Variants in ZNF239 observed in about 807,000 individuals in gnomAD.
ZNF239 encodes zinc finger protein 239.
A neutral mutation model predicts 27.5 loss-of-function variants in ZNF239; 16 were observed. The ratio of observed to expected loss-of-function variants is 0.58; its 90% CI spans 0.39 to 0.88. ZNF239 has a LOEUF of 0.88. Among genes scored for constraint, ZNF239 ranks in the 40% least tolerant of loss-of-function variants. ZNF239 has a pLI of 0.00. For synonymous variants in ZNF239, 199 were observed against 192.6 expected (o/e 1.03, Z -0.27); for missense variants, 527 against 551.9 (o/e 0.95, Z 0.45).
chr10:43,557,211 G>A lies in ZNF239; in HGVS notation c.869C>T (p.Pro290Leu). 2 of 1,614,038 alleles carry A rather than the reference G, an allele frequency of 1.2e-6. No homozygotes were observed. The highest frequency in any genetic ancestry group is 1.7e-6 in the Non-Finnish European group (2 of 1,179,996). Residue 290 changes from proline (P) to leucine (L), a missense_variant, in exon 4 of 4, where the codon CCT becomes CTT. By Grantham distance (98) the Pro-to-Leu change is moderately conservative. Coordinates refer to ENST00000374446, the MANE Select transcript of ZNF239 (RefSeq NM_001099282.2). ...IHHAVHTGEK[P>L]YKCDKCGKGF... ...CTTCCCACACTTGTCACATTTATAA[G>A]GTTTTTCGCCTGTATGGACGGCATG... is the stretch of plus-strand genomic sequence containing the variant.
intron 3 of ZNF239, 44 bp from the exon 4 acceptor site, chr10:43,558,215 T>G (rs2132228480): frequency 1.4e-6 from 2 of 1,444,542 alleles, no homozygotes; most frequent in Non-Finnish European, 1.8e-6. Flanking sequence ...AAGGGTAGAC[T>G]TCAAGATTTC....
chr10:43,559,258 G>A (rs376125109), intron 3 of ZNF239, among the ~76,000 whole-genome samples: 1 of 152,192 alleles, frequency 6.6e-6, no homozygotes, highest in East Asian at 1.9e-4. Flanking sequence ...AATTCAGAGT[G>A]AAATGACTGA....
intron 3 of ZNF239, among the ~76,000 whole-genome samples, chr10:43,562,581 T>C (rs954917871): frequency 1.3e-5 from 2 of 152,208 alleles, no homozygotes; most frequent in African/African-American, 4.8e-5. Flanking sequence ...TATGTAAACA[T>C]ATTGTCTGGA....
chr10:43,569,858 A>G (rs1028235761), intron 2 of ZNF239, among the ~76,000 whole-genome samples: 3 of 152,124 alleles, frequency 2.0e-5, no homozygotes, highest in Non-Finnish European at 4.4e-5. Context: ...GAGTCCAAAT[A>G]TTTACTCAGT....
intron 3 of ZNF239, among the ~76,000 whole-genome samples, chr10:43,562,055 T>A (rs1181780618): frequency 6.6e-6 from 1 of 152,228 alleles, no homozygotes; most frequent in Non-Finnish European, 1.5e-5. Context: ...ATGTAAGCAT[T>A]CATCACTGAC....
Position 43,557,892 on chromosome 10 carries a change from T to A in ZNF239, c.188A>T (p.Tyr63Phe). 1 of 1,614,164 alleles carries A rather than the reference T, an allele frequency of 6.2e-7. No homozygotes were observed. The highest frequency in any genetic ancestry group is 2.2e-5 in the East Asian group (1 of 44,882). The change falls in exon 4 of 4, where the codon TAT becomes TTT. Residue 63 changes from tyrosine to phenylalanine, a missense_variant. Tyr to Phe is a conservative substitution (Grantham distance 22). Coordinates refer to ENST00000374446, the MANE Select transcript of ZNF239 (RefSeq NM_001099282.2). Reference protein sequence around the residue: ...GCFENIESETYLPLKVSSQID... With the variant: ...GCFENIESETFLPLKVSSQID... ...TTGGCTTGAGACTTTCAAAGGCAAA[T>A]ATGTTTCACTTTCAATGTTTTCGAA...
At chr10:43,570,160 G>A in intron 2 of ZNF239, 2 of 985,368 alleles carry the variant, frequency 2.0e-6, no homozygotes, top group East Asian at 1.1e-4. Context: ...CCCTGCAGGA[G>A]TGACATGACT....
chr10:43,570,912 G>T, intron 2 of ZNF239: 1 of 984,938 alleles, frequency 1.0e-6, no homozygotes, highest in Middle Eastern at 5.2e-4. Context: ...CTAACTTTGT[G>T]GTAGGTAAAA....
At position 43,556,977 on chromosome 10, in the gene ZNF239, A is replaced by G. The variant is rs748326573; in HGVS notation, c.1103T>C (p.Ile368Thr). 1.9e-6 allele frequency: 3 copies of G among 1,613,758 alleles called. No individual in the cohort carries two copies. The highest frequency in any genetic ancestry group is 1.3e-5 in the African/African-American group (1 of 74,868). The part of the protein sequence containing the change: ...QSSNLHIHRC[I>T]HTGEKPYQCY... Reference sequence around the variant, plus strand: ...TTGGTAAGGCTTCTCTCCTGTGTGGATGCACCGGTGAATGTGAAGGTTCGA... The same window carrying G: ...TTGGTAAGGCTTCTCTCCTGTGTGGGTGCACCGGTGAATGTGAAGGTTCGA... Residue 368 changes from isoleucine to threonine, a missense_variant, in exon 4 of 4, where the codon ATC becomes ACC. Ile to Thr is a moderately conservative substitution (Grantham distance 89, BLOSUM62 -1). Transcript: ENST00000374446.
intron 2 of ZNF239, chr10:43,570,239 A>G (rs1389291268): frequency 3.2e-5 from 32 of 985,190 alleles, no homozygotes; most frequent in Non-Finnish European, 3.9e-5. Flanking sequence ...CTGTCTCCCA[A>G]GCTTTCTGTT....
chr10:43,573,742 A>T, intron 1 of ZNF239, 65 bp from the exon 2 acceptor site: 1 of 720,574 alleles, frequency 1.4e-6, no homozygotes, highest in South Asian at 6.3e-5. Flanking sequence ...GACTGCGGGG[A>T]AAAAGTTACT....
At position 43,556,746 on chromosome 10, in the gene ZNF239, T is replaced by C. The variant is rs1287181649; in HGVS notation, c.1334A>G (p.Asn445Ser). 1.2e-6 allele frequency: 2 copies of C among 1,614,100 alleles called. No individual in the cohort carries two copies. Among genetic ancestry groups the C allele is most frequent in the Non-Finnish European group, 8.5e-7 (1 of 1,179,988 alleles). ...KCGKGFSQSS[N>S]LHIHQRVHKK... The stretch of plus-strand genomic sequence containing the variant: ...GTGAACCCGCTGGTGGATGTGAAGG[T>C]TGGAGCTCTGGCTGAAGCCCTTCCC... The change falls in exon 4 of 4, where the codon AAC becomes AGC. Residue 445 changes from asparagine (N) to serine (S), a missense_variant. Asn to Ser is a conservative substitution (Grantham distance 46). Coordinates refer to ENST00000374446, the MANE Select transcript of ZNF239 (RefSeq NM_001099282.2).
intron 2 of ZNF239, chr10:43,571,030 C>T: frequency 6.1e-6 from 6 of 985,020 alleles, no homozygotes; most frequent in Non-Finnish European, 7.2e-6. Context: ...GGGACTGAAA[C>T]ACTGAATAAT....
rs553005727 is a variant in ZNF239 at position 43,570,398 on chromosome 10, T to C, written c.-215-2377A>G. 5.1e-6 allele frequency: 5 copies of C among 985,356 alleles called. 1 individual carries two copies. In the South Asian group the frequency reaches 1.9e-4, roughly 37 times the overall value. The allele number at this position is 985,356 out of a possible 1,614,324, so 61.0% of individuals were successfully genotyped here. ...TAGCAAGGCATGACCCATGGCATAT[T>C]AAAAGCAAGTGGACTGGCTGCTCTT... On this transcript the variant is annotated intron_variant, in intron 2 of 3. Transcript: ENST00000374446.
intron 3 of ZNF239, among the ~76,000 whole-genome samples, chr10:43,565,840 A>G (rs1332338005): frequency 6.7e-6 from 1 of 150,182 alleles, no homozygotes; most frequent in Non-Finnish European, 1.5e-5. Flanking sequence ...AAAAAAAAAA[A>G]AAAAAGAAAA....
At chr10:43,565,018 A>G (rs1837531337) in intron 3 of ZNF239, among the ~76,000 whole-genome samples, 1 of 152,202 alleles carries the variant, frequency 6.6e-6, no homozygotes, top group Non-Finnish European at 1.5e-5. Flanking sequence ...CATACCATGC[A>G]TTCTCAGGGG....
intron 3 of ZNF239, among the ~76,000 whole-genome samples, chr10:43,563,210 G>C (rs1285383179): frequency 1.3e-5 from 2 of 152,136 alleles, no homozygotes; most frequent in African/African-American, 4.8e-5. Flanking sequence ...AGCTACTCAG[G>C]AGGCTGAGTC....
chr10:43,563,797 TCTA>T (rs1354395464), intron 3 of ZNF239, among the ~76,000 whole-genome samples: 2 of 152,106 alleles, frequency 1.3e-5, no homozygotes, highest in African/African-American at 2.4e-5. Context: ...TGAAGATAAA[TCTA>T]CTTTTTTTTT....
intron 2 of ZNF239, 83 bp from the exon 3 acceptor site, chr10:43,568,104 A>G: frequency 1.0e-6 from 1 of 985,724 alleles, no homozygotes; most frequent in Non-Finnish European, 1.2e-6. Flanking sequence ...GCAGCACTGG[A>G]AAAGGTAAGA....
Sources: gnomAD v4.1 joint callset for allele counts (sites outside exome capture counted in the v4.1 genomes callset) on GRCh38, gnomAD v4.1.1 for gene constraint, MANE v1.5 for transcripts, NCBI Gene and HGNC (gene_info 2026-07-23, HGNC 2026-07-21) for gene names.